The following IGSF21 variants were observed in gnomAD, a reference collection of about 807,000 sequenced individuals.
IGSF21 encodes immunoglobulin superfamily member 21.
A neutral mutation model predicts 46.8 loss-of-function variants in IGSF21; 28 were observed. The ratio of observed to expected loss-of-function variants is 0.60; its 90% CI spans 0.44 to 0.82. The LOEUF (loss-of-function observed/expected upper bound fraction) is 0.82. Among genes scored for constraint, IGSF21 ranks in the 40% least tolerant of loss-of-function variants. The pLI, the probability that IGSF21 is intolerant of heterozygous loss-of-function variation, is 0.00. For synonymous variants in IGSF21, 284 were observed against 273.6 expected, an observed-to-expected ratio of 1.04 and a Z score of -0.38; for missense variants, 624 against 665.5, an observed-to-expected ratio of 0.94 and a Z score of 0.69.
chr1:18,251,264 CA>C (rs1229022601), intron 2 of IGSF21, among the ~76,000 whole-genome samples: 1 of 151,832 alleles, frequency 6.6e-6, no homozygotes, highest in East Asian at 1.9e-4. Flanking sequence ...ATTTAGGTTT[CA>C]AAAAAAATTA....
chr1:18,108,261 G>A, intron 1 of IGSF21, 63 bp downstream of exon 1: 1 of 1,304,424 alleles, frequency 7.7e-7, no homozygotes, highest in Non-Finnish European at 9.7e-7. Context: ...GGGTGCCGGG[G>A]GAGGGCGCTG....
chr1:18,221,149 C>A (rs1476873902), intron 1 of IGSF21, among the ~76,000 whole-genome samples: 1 of 152,090 alleles, frequency 6.6e-6, no homozygotes, highest in African/African-American at 2.4e-5. Flanking sequence ...AGCTTTACAC[C>A]GAGTCAAGGG....
At chr1:18,305,499 TGGA>T (rs1305325402) in intron 3 of IGSF21, among the ~76,000 whole-genome samples, 2 of 141,746 alleles carry the variant, frequency 1.4e-5, no homozygotes, top group Non-Finnish European at 3.0e-5. Context: ...GATGGATGGA[TGGA>T]TGGATGGATG....
rs556309675 is a variant in IGSF21, at chr1:18,335,994, CTGGCCCTGGGT to C, written c.424+990_424+1000del. ...AAAGGAACTAGCAGCGTTTGGGTGC[CTGGCCCTGGGT>C]TGGCCACACCAGGGAACCTAGGAGG... is the stretch of plus-strand genomic sequence containing the variant. On this transcript the variant is annotated intron_variant, in intron 4 of 9. Coordinates refer to ENST00000251296, the MANE Select transcript of IGSF21 (RefSeq NM_032880.5). The surrounding 1 kb of genome is among the most constrained non-coding windows in gnomAD (Gnocchi z 4.8). Among the ~76,000 whole-genome samples, 10 of 152,270 alleles carry C rather than the reference CTGGCCCTGGGT, an allele frequency of 6.6e-5. No homozygotes were observed. The South Asian group carries it at 1.7e-3, about 25-fold the overall frequency.
chr1:18,170,201 T>A (rs1398388245), intron 1 of IGSF21, among the ~76,000 whole-genome samples: 1 of 152,034 alleles, frequency 6.6e-6, no homozygotes, highest in African/African-American at 2.4e-5. Flanking sequence ...TGTGCCAGGA[T>A]TAAAGGATGC....
At chr1:18,318,373 G>A (rs2085564614) in intron 3 of IGSF21, among the ~76,000 whole-genome samples, 1 of 152,162 alleles carries the variant, frequency 6.6e-6, no homozygotes, top group African/African-American at 2.4e-5. Context: ...TGATTGTGAT[G>A]CATCCATTAA....
chr1:18,252,053 T>TTTG (rs2084847408), intron 2 of IGSF21, among the ~76,000 whole-genome samples: 1 of 134,182 alleles, frequency 7.5e-6, no homozygotes, highest in Admixed American at 7.5e-5. Flanking sequence ...GCGTTTTTTT[T>TTTG]TTTTTTTTTT....
chr1:18,234,939 G>A (rs1013762969), intron 2 of IGSF21, among the ~76,000 whole-genome samples: 4 of 152,204 alleles, frequency 2.6e-5, no homozygotes, highest in African/African-American at 9.6e-5. Flanking sequence ...GGGGTGATGG[G>A]AGAAACCTTC....
intron 1 of IGSF21, among the ~76,000 whole-genome samples, chr1:18,136,931 A>G (rs1482436553): frequency 6.6e-6 from 1 of 152,106 alleles, no homozygotes; most frequent in African/African-American, 2.4e-5. Context: ...CTTTAATTTC[A>G]CTGAGCAGTG....
chr1:18,201,657 A>G (rs183119951), intron 1 of IGSF21, among the ~76,000 whole-genome samples: 2 of 152,196 alleles, frequency 1.3e-5, no homozygotes, highest in Non-Finnish European at 2.9e-5. Context: ...TCTAAGGGAA[A>G]TAGCAAGGAA....
At chr1:18,108,412 ATTGTGTGTCTTTG>A (rs1163801647) in intron 1 of IGSF21, among the ~76,000 whole-genome samples, 2 of 150,728 alleles carry the variant, frequency 1.3e-5, no homozygotes, top group Admixed American at 1.3e-4. Flanking sequence ...GTGTGTGTAA[ATTGTGTGTCTTTG>A]TTGTGTGTCT....
chr1:18,160,173 C>T (rs1221920852), intron 1 of IGSF21, among the ~76,000 whole-genome samples: 2 of 152,210 alleles, frequency 1.3e-5, no homozygotes, highest in African/African-American at 2.4e-5. Context: ...AGTCACTTCT[C>T]ACCGAACTAG....
chr1:18,338,296 G>A (rs1024777042), intron 4 of IGSF21, among the ~76,000 whole-genome samples: 5 of 152,068 alleles, frequency 3.3e-5, no homozygotes, highest in African/African-American at 1.2e-4. Flanking sequence ...TTCAGGGCAG[G>A]TTTCAAAAAT....
chr1:18,189,459 G>A (rs1306187964), intron 1 of IGSF21, among the ~76,000 whole-genome samples: 1 of 152,116 alleles, frequency 6.6e-6, no homozygotes, highest in East Asian at 1.9e-4. Context: ...GATAATTAAA[G>A]TACATTGCAT....
intron 3 of IGSF21, among the ~76,000 whole-genome samples, chr1:18,301,246 T>C (rs947408239): frequency 2.6e-5 from 4 of 152,182 alleles, no homozygotes; most frequent in Admixed American, 6.5e-5. Flanking sequence ...CCATGGGCCA[T>C]TGGAGCCAGG....
chr1:18,115,842 G>GAAGGAAGGAAGGAAGA (rs1326188397), intron 1 of IGSF21: 60 of 87,818 alleles, frequency 6.8e-4, no homozygotes, highest in Middle Eastern at 6.0e-3. Context: ...AGGAAGGAAG[G>GAAGGAAGGAAGGAAGA]AAGAAAGAAA....
At chr1:18,227,718 C>A (rs2124506465) in intron 1 of IGSF21, among the ~76,000 whole-genome samples, 180 bp from the exon 2 acceptor site, 1 of 152,044 alleles carries the variant, frequency 6.6e-6, no homozygotes, top group Non-Finnish European at 1.5e-5. Context: ...TGATTGGCTC[C>A]ATTTGGGCCT....
At position 18,335,056 on chromosome 1, in the gene IGSF21, A is replaced by G. The variant is rs2085753002; in HGVS notation, c.424+46A>G. Reference sequence around the variant, plus strand: ...CCCTGGTGTCTCAGTGAGGAGGACGAGTATGCTTGAGTGTGTGAATGTGCG... The same window carrying G: ...CCCTGGTGTCTCAGTGAGGAGGACGGGTATGCTTGAGTGTGTGAATGTGCG... On this transcript the variant is annotated intron_variant, in intron 4 of 9. Transcript: ENST00000251296. This position sits in a 1 kb window ranked among gnomAD's most constrained non-coding sequence, Gnocchi z 4.8. 7.0e-7 allele frequency: 1 copy of G among 1,421,426 alleles called. No individual in the cohort carries two copies. Among genetic ancestry groups the G allele is most frequent in the African/African-American group, 1.4e-5 (1 of 71,260 alleles). The allele number at this position is 1,421,426 out of a possible 1,614,324, so 88.1% of individuals were successfully genotyped here. A position where few individuals can be genotyped will look rare whatever the true frequency, so the allele number is the denominator to read the frequency against.
At chr1:18,219,844 T>C (rs1162622704) in intron 1 of IGSF21, among the ~76,000 whole-genome samples, 1 of 152,176 alleles carries the variant, frequency 6.6e-6, no homozygotes, top group East Asian at 1.9e-4. Context: ...TGAAGTTTCC[T>C]GGCTAATCTG....
Sources: allele counts gnomAD v4.1 joint callset (sites outside exome capture counted in the v4.1 genomes callset), GRCh38; gene constraint gnomAD v4.1.1; non-coding constraint Gnocchi (gnomAD v3.1); transcripts MANE v1.5; gene names NCBI Gene and HGNC (gene_info 2026-07-23, HGNC 2026-07-21).